TMEM156: variants seen among roughly 807,000 people sequenced by gnomAD.
TMEM156 encodes transmembrane protein 156.
TMEM156 carries 28 observed loss-of-function variants against 30.5 expected under a neutral mutation model. That is an observed-to-expected ratio of 0.92 (90% confidence interval 0.68 to 1.26). TMEM156 has a LOEUF of 1.26. Ranked by LOEUF, TMEM156 falls within the 50% of genes most tolerant of loss-of-function variation. TMEM156 has a pLI of 0.00. For synonymous variants in TMEM156, 137 were observed against 119.9 expected (o/e 1.14, Z -0.93); for missense variants, 351 against 340.6 (o/e 1.03, Z -0.24).
Position 38,988,848 on chromosome 4 carries a change from T to TA in TMEM156, c.739+2dup. ...TCCTCGGCACTACAGGGATTATACTTACTCTGCCACTTTTGCACTCTTCTC... is the reference window on the plus strand; with the variant it reads ...TCCTCGGCACTACAGGGATTATACTTAACTCTGCCACTTTTGCACTCTTCTC... On this transcript the variant is annotated splice_region_variant and intron_variant, in intron 4 of 6. Transcript: ENST00000381938. 1 of 1,614,046 alleles carries TA rather than the reference T, an allele frequency of 6.2e-7. No homozygotes were observed. Among genetic ancestry groups the TA allele is most frequent in the Non-Finnish European group, 8.5e-7 (1 of 1,179,940 alleles).
intron 1 of TMEM156, among the ~76,000 whole-genome samples, chr4:39,018,369 G>A (rs1322752788): frequency 1.3e-5 from 2 of 151,994 alleles, no homozygotes; most frequent in Non-Finnish European, 2.9e-5. Flanking sequence ...TAAATTTTAT[G>A]CATCTAATAT....
chr4:38,978,590 G>T (rs902426410), intron 5 of TMEM156, among the ~76,000 whole-genome samples: 1 of 152,158 alleles, frequency 6.6e-6, no homozygotes, highest in Non-Finnish European at 1.5e-5. Context: ...TGATTTGGGG[G>T]TAACAAAAAT....
chr4:38,999,122 T>A (rs1048604630), intron 1 of TMEM156, among the ~76,000 whole-genome samples: 57 of 123,838 alleles, frequency 4.6e-4, no homozygotes, highest in African/African-American at 1.0e-3. Flanking sequence ...TTTTTTTTTT[T>A]TTTTTTTTTT....
chr4:38,988,785 C>T, intron 4 of TMEM156, 66 bp downstream of exon 4: 2 of 1,596,164 alleles, frequency 1.3e-6, no homozygotes, highest in Non-Finnish European at 1.7e-6. Flanking sequence ...CTAAATTGTA[C>T]TAAAAAGGAA....
intron 1 of TMEM156, among the ~76,000 whole-genome samples, chr4:39,008,946 A>T (rs187619826): frequency 3.2e-4 from 48 of 152,248 alleles, no homozygotes; most frequent in Non-Finnish European, 1.6e-4. Flanking sequence ...CCAAAAAACC[A>T]TACAGAGGTT....
At chr4:39,003,585 C>T (rs191958814) in intron 1 of TMEM156, among the ~76,000 whole-genome samples, 1 of 152,110 alleles carries the variant, frequency 6.6e-6, no homozygotes, top group Admixed American at 6.6e-5. Context: ...CCGCCCACCT[C>T]GGCCTCCCAA....
chr4:38,998,842 G>T lies in TMEM156; in HGVS notation c.156C>A (p.Ser52=), dbSNP rs772668704. 6.2e-7 allele frequency: 1 copy of T among 1,613,664 alleles called. No individual in the cohort carries two copies. ...GAAAAGTCACAAAAGAAAAATTTAA[G>T]GAGGAGAGTGAATAGGTAAAATTAG... ...LQSNFTYSLS[S]LNFSFVTFLQ... is the part of the protein sequence containing the mutation. The change falls in exon 2 of 7, where the codon TCC becomes TCA. Residue 52 remains serine, a synonymous_variant. Coordinates refer to ENST00000381938, the MANE Select transcript of TMEM156 (RefSeq NM_024943.3).
intron 1 of TMEM156, among the ~76,000 whole-genome samples, chr4:39,001,630 C>T (rs141475671): frequency 0.01 from 1,562 of 150,632 alleles, 26 homozygotes; most frequent in African/African-American, 0.035. Context: ...TGACTTCAAA[C>T]TATACTACAA....
chr4:38,983,714 C>A (rs1398292726), intron 5 of TMEM156, among the ~76,000 whole-genome samples: 1 of 152,168 alleles, frequency 6.6e-6, no homozygotes, highest in African/African-American at 2.4e-5. Context: ...GTTACTTTTG[C>A]ATGTTTTTCA....
intron 1 of TMEM156, among the ~76,000 whole-genome samples, chr4:39,003,888 A>G (rs1418572629): frequency 2.0e-5 from 3 of 151,172 alleles, no homozygotes; most frequent in Non-Finnish European, 4.4e-5. Flanking sequence ...TACTGTCAAT[A>G]GTGTAGTCTT....
intron 1 of TMEM156, among the ~76,000 whole-genome samples, chr4:39,018,461 G>A (rs1714646797): frequency 6.6e-6 from 1 of 151,904 alleles, no homozygotes; most frequent in Admixed American, 6.6e-5. Context: ...TTGCATCTCT[G>A]CCCTTCCTTC....
At chr4:39,014,150 T>C (rs1029895233) in intron 1 of TMEM156, among the ~76,000 whole-genome samples, 2 of 152,202 alleles carry the variant, frequency 1.3e-5, no homozygotes, top group Non-Finnish European at 2.9e-5. Context: ...CAAAAGAGGC[T>C]GTAAAAGACC....
intron 4 of TMEM156, 107 bp downstream of exon 4, chr4:38,988,744 C>A: frequency 1.4e-6 from 2 of 1,399,108 alleles, no homozygotes; most frequent in Non-Finnish European, 2.0e-6. Context: ...CCAAGAATCA[C>A]CACTTATTCA....
chr4:38,977,906 C>A (rs1450264693), intron 5 of TMEM156, among the ~76,000 whole-genome samples: 1 of 152,212 alleles, frequency 6.6e-6, no homozygotes. Flanking sequence ...CCAGGCAGCC[C>A]TCGGATGCTT....
intron 1 of TMEM156, among the ~76,000 whole-genome samples, chr4:38,999,110 A>ATTTTTTTT (rs34889728): frequency 1.8e-4 from 19 of 106,100 alleles, no homozygotes; most frequent in Non-Finnish European, 3.1e-4. Context: ...TTATTTATTT[A>ATTTTTTTT]TTTTTTTTTT....
chr4:39,000,850 G>A (rs979694984), intron 1 of TMEM156, among the ~76,000 whole-genome samples: 1 of 152,082 alleles, frequency 6.6e-6, no homozygotes, highest in Non-Finnish European at 1.5e-5. Context: ...TCGCACCACT[G>A]CACTCCAGAC....
intron 1 of TMEM156, among the ~76,000 whole-genome samples, chr4:39,003,415 A>T (rs2109995689): frequency 6.6e-6 from 1 of 152,054 alleles, no homozygotes; most frequent in African/African-American, 2.4e-5. Flanking sequence ...GCTCACTGCA[A>T]CCTCTTCCTC....
chr4:39,009,900 C>T (rs957090944), intron 1 of TMEM156, among the ~76,000 whole-genome samples: 1 of 152,036 alleles, frequency 6.6e-6, no homozygotes, highest in Non-Finnish European at 1.5e-5. Flanking sequence ...CTAGCCAGGG[C>T]AATCAAGCAA....
Position 38,990,390 on chromosome 4 carries a change from C to G in TMEM156, c.620-1420G>C, listed in dbSNP as rs78885602. 5.2e-3 allele frequency among the ~76,000 whole-genome samples: 798 copies of G among 152,320 alleles called. 5 individuals carry two copies. Among genetic ancestry groups the G allele is most frequent in the South Asian group, 0.022 (104 of 4,832 alleles). ...CTCTTCAGCTGCCAGGCTTGCATTC[C>G]TCACGCAGCAAAATAAAAGCATGAA... On this transcript the variant is annotated intron_variant, in intron 3 of 6. Transcript: ENST00000381938.
Sources: allele counts gnomAD v4.1 joint callset (sites outside exome capture counted in the v4.1 genomes callset), GRCh38; gene constraint gnomAD v4.1.1; transcripts MANE v1.5; gene names NCBI Gene and HGNC (gene_info 2026-07-23, HGNC 2026-07-21).